RNF216: variants seen among roughly 807,000 people sequenced by gnomAD.
The protein encoded by RNF216 is E3 ubiquitin-protein ligase RNF216.
A neutral mutation model predicts 110.8 loss-of-function variants in RNF216; 72 were observed. The ratio of observed to expected loss-of-function variants is 0.65; its 90% CI spans 0.54 to 0.79. The LOEUF (loss-of-function observed/expected upper bound fraction) is 0.79. RNF216 is among the 30% of genes least tolerant of loss of function. RNF216 has a pLI of 0.00. For missense variants in RNF216, 1,342 were observed against 1,141.2 expected (o/e 1.18, Z -2.54); for synonymous variants, 495 against 407.5 (o/e 1.21, Z -2.59).
intron 15 of RNF216, among the ~76,000 whole-genome samples, chr7:5,627,812 G>C (rs1467414742): frequency 6.6e-6 from 1 of 151,994 alleles, no homozygotes; most frequent in East Asian, 1.9e-4. Context: ...TAAAACACGA[G>C]GGACAAGAGA....
At chr7:5,665,993 G>A (rs1041412130) in intron 13 of RNF216, among the ~76,000 whole-genome samples, 15 of 152,060 alleles carry the variant, frequency 9.9e-5, no homozygotes, top group Non-Finnish European at 1.9e-4. Context: ...GTGAAACCCC[G>A]TTTCTACTAA....
chr7:5,770,662 A>G (rs1293656907), intron 1 of RNF216, among the ~76,000 whole-genome samples: 1 of 152,162 alleles, frequency 6.6e-6, no homozygotes, highest in Non-Finnish European at 1.5e-5. Context: ...ACAGCCAAGA[A>G]TAACCAAAGC....
chr7:5,705,156 G>C (rs1272146013), intron 13 of RNF216, among the ~76,000 whole-genome samples: 1 of 152,080 alleles, frequency 6.6e-6, no homozygotes, highest in Non-Finnish European at 1.5e-5. Flanking sequence ...CTCTCCCTGT[G>C]TTACTGACCC....
intron 13 of RNF216, among the ~76,000 whole-genome samples, chr7:5,705,028 G>C (rs999612294): frequency 1.3e-5 from 2 of 152,156 alleles, no homozygotes; most frequent in Non-Finnish European, 2.9e-5. Context: ...TTTAAACTTA[G>C]CATGGCCCAG....
Position 5,661,718 on chromosome 7 carries a change from G to A in RNF216, c.2062-9208C>T, listed in dbSNP as rs188692225. On this transcript the variant is annotated intron_variant, in intron 13 of 16. Transcript: ENST00000389902. ...CTTGGGAGGCTGAGGCATGAGAATCGTTCGAACCTGGGAGGCAGAGGTTGC... is the reference window on the plus strand; with the variant it reads ...CTTGGGAGGCTGAGGCATGAGAATCATTCGAACCTGGGAGGCAGAGGTTGC... 1.1e-3 allele frequency among the ~76,000 whole-genome samples: 164 copies of A among 152,204 alleles called. 1 individual carries two copies. Among genetic ancestry groups the A allele is most frequent in the Non-Finnish European group, 1.4e-3 (98 of 68,006 alleles).
intron 14 of RNF216, among the ~76,000 whole-genome samples, chr7:5,644,827 CTTT>C (rs59440013): frequency 2.9e-5 from 4 of 135,906 alleles, no homozygotes; most frequent in Admixed American, 7.4e-5. Context: ...TTCTTTTTTT[CTTT>C]TTTTTTTTTT....
At chr7:5,630,243 G>C (rs1180175820) in intron 15 of RNF216, among the ~76,000 whole-genome samples, 1 of 152,124 alleles carries the variant, frequency 6.6e-6, no homozygotes, top group Non-Finnish European at 1.5e-5. Context: ...CTTCAAGAGA[G>C]GCTGCTGGCG....
chr7:5,642,963 A>G (rs988082383), intron 14 of RNF216, among the ~76,000 whole-genome samples: 3 of 152,056 alleles, frequency 2.0e-5, no homozygotes, highest in African/African-American at 7.3e-5. Flanking sequence ...CAAGGAGAGA[A>G]GAGGCTGTAA....
chr7:5,711,948 C>T (rs1562418197), intron 12 of RNF216, 109 bp from the exon 13 acceptor site: 2 of 889,762 alleles, frequency 2.2e-6, no homozygotes, highest in African/African-American at 1.7e-5. Context: ...TGGACATTCA[C>T]ATCCCCTTTA....
chr7:5,768,957 G>C (rs76682240), intron 1 of RNF216, among the ~76,000 whole-genome samples: 1,777 of 151,958 alleles, frequency 0.012, 37 homozygotes, highest in African/African-American at 0.041. Flanking sequence ...CACTGTGCCC[G>C]GCCAAAGCAA....
chr7:5,780,943 G>A (rs1459327951), intron 1 of RNF216, among the ~76,000 whole-genome samples: 3 of 152,182 alleles, frequency 2.0e-5, no homozygotes, highest in East Asian at 3.9e-4. Context: ...CGGGGACAGC[G>A]GCCTCGCTCG....
At chr7:5,729,889 A>C (rs752627210) in intron 6 of RNF216, among the ~76,000 whole-genome samples, 2 of 152,156 alleles carry the variant, frequency 1.3e-5, no homozygotes, top group Non-Finnish European at 2.9e-5. Flanking sequence ...TTTTTTTTCT[A>C]TTACAGAATA....
In RNF216 at chr7:5,657,528, T is replaced by C. The variant is rs58357556; in HGVS notation, c.2062-5018A>G. ...GTTGCGGTGAGCCGAAATCTTGCCA[T>C]TGCACTCCAGCCTGGGCAACAAGAG... On this transcript the variant is annotated intron_variant, in intron 13 of 16. Coordinates refer to ENST00000389902, the MANE Select transcript of RNF216 (RefSeq NM_207111.4). 5.7e-3 allele frequency among the ~76,000 whole-genome samples: 871 copies of C among 151,860 alleles called. 9 individuals are homozygous for C. The highest frequency in any genetic ancestry group is 0.02 in the African/African-American group (823 of 41,386).
intron 13 of RNF216, among the ~76,000 whole-genome samples, chr7:5,689,281 AAAAGTG>A (rs1269350913): frequency 6.6e-6 from 1 of 151,834 alleles, no homozygotes; most frequent in Non-Finnish European, 1.5e-5. Flanking sequence ...GAGGTATAGG[AAAAGTG>A]ACAGAAGTTA....
At chr7:5,691,207 G>A (rs909986803) in intron 13 of RNF216, among the ~76,000 whole-genome samples, 2 of 152,230 alleles carry the variant, frequency 1.3e-5, no homozygotes, top group African/African-American at 4.8e-5. Context: ...TGCTCTGCCA[G>A]GTCTACCCAT....
chr7:5,664,308 A>T (rs926376724), intron 13 of RNF216, among the ~76,000 whole-genome samples: 5 of 152,348 alleles, frequency 3.3e-5, no homozygotes, highest in Non-Finnish European at 4.4e-5. Context: ...TTAATTCATT[A>T]CAGCTTCAGC....
At chr7:5,623,404 C>T (rs1786512684) in intron 16 of RNF216, among the ~76,000 whole-genome samples, 1 of 152,134 alleles carries the variant, frequency 6.6e-6, no homozygotes, top group Admixed American at 6.6e-5. Context: ...GCACGTCCAC[C>T]CACCCAGCCA....
intron 3 of RNF216, among the ~76,000 whole-genome samples, chr7:5,751,886 T>G (rs1293430903): frequency 8.5e-6 from 1 of 117,248 alleles, no homozygotes; most frequent in Non-Finnish European, 1.9e-5. Flanking sequence ...AAAAAAACAG[T>G]TTAAAAAGTA....
chr7:5,689,680 T>C (rs1791207186), intron 13 of RNF216, among the ~76,000 whole-genome samples: 2 of 152,160 alleles, frequency 1.3e-5, no homozygotes, highest in African/African-American at 4.8e-5. Flanking sequence ...AGGCCAGGCA[T>C]GGTGGCTCAC....
Sources: gnomAD v4.1 joint callset for allele counts (sites outside exome capture counted in the v4.1 genomes callset) on GRCh38, gnomAD v4.1.1 for gene constraint, MANE v1.5 for transcripts, NCBI Gene and HGNC (gene_info 2026-07-23, HGNC 2026-07-21) for gene names.